CHIC1: variants seen among roughly 807,000 people sequenced by gnomAD.
CHIC1 encodes the protein cysteine rich hydrophobic domain 1.
Under a neutral mutation model 18.5 loss-of-function variants are expected in CHIC1, and 7 were observed. That is an observed-to-expected ratio of 0.38 (90% CI 0.22 to 0.71). The LOEUF is 0.71. Among genes scored for constraint, CHIC1 ranks in the 30% least tolerant of loss-of-function variants. The pLI is 0.49. For missense variants in CHIC1, 159 were observed against 176.9 expected (o/e 0.90, Z 0.57); for synonymous variants, 77 against 73.5 (o/e 1.05, Z -0.25).
chrX:73,672,230 C>T (rs1388163951), intron 3 of CHIC1, among the ~76,000 whole-genome samples: 1 of 111,778 alleles, frequency 8.9e-6, no homozygotes, highest in African/African-American at 3.3e-5. Context: ...TATAAACATA[C>T]GTGTGCATGT....
intron 2 of CHIC1, chrX:73,578,691 T>G (rs928453686): frequency 3.6e-5 from 4 of 110,038 alleles, no homozygotes; most frequent in African/African-American, 1.3e-4. Flanking sequence ...AATAAATGTA[T>G]TTTTACATAA....
rs184497127 is a variant in CHIC1, at chrX:73,580,561, C to T, written c.351+3100C>T. On this transcript the variant is annotated intron_variant, in intron 2 of 5. Coordinates refer to ENST00000373502, the MANE Select transcript of CHIC1 (RefSeq NM_001039840.4). ...TGAGATAATTTTTCTCCGACAGGCA[C>T]TTTCATTTGTTTAGGTTCCTTTGCA... 3.2e-3 allele frequency among the ~76,000 whole-genome samples: 358 copies of T among 110,813 alleles called. 2 individuals are homozygous for T. Among genetic ancestry groups the T allele is most frequent in the African/African-American group, 0.011 (335 of 30,678 alleles).
intron 3 of CHIC1, among the ~76,000 whole-genome samples, chrX:73,596,550 A>G (rs1186524704): frequency 2.7e-5 from 3 of 111,866 alleles, no homozygotes; most frequent in Admixed American, 9.6e-5. Flanking sequence ...ATAGAACTCA[A>G]AAAGAGCCCA....
At chrX:73,659,909 G>A (rs1474353836) in intron 3 of CHIC1, among the ~76,000 whole-genome samples, 1 of 111,597 alleles carries the variant, frequency 9.0e-6, no homozygotes, top group Non-Finnish European at 1.9e-5. Context: ...AGGGGAGCAG[G>A]ACGTGGCTAC....
At chrX:73,622,681 T>C (rs1023816480) in intron 3 of CHIC1, among the ~76,000 whole-genome samples, 1 of 112,082 alleles carries the variant, frequency 8.9e-6, no homozygotes, top group Non-Finnish European at 1.9e-5. Context: ...TGTGTTTCTG[T>C]CTCCTCCAGT....
intron 3 of CHIC1, among the ~76,000 whole-genome samples, chrX:73,648,673 G>T (rs941335076): frequency 1.8e-5 from 2 of 111,240 alleles, no homozygotes; most frequent in East Asian, 2.8e-4. Context: ...AGAGAAAAAA[G>T]AATGAAAAGG....
chrX:73,680,566 A>G (rs974809937), intron 5 of CHIC1, among the ~76,000 whole-genome samples: 1 of 111,590 alleles, frequency 9.0e-6, no homozygotes, highest in Admixed American at 9.5e-5. Flanking sequence ...AAATATATAA[A>G]TCTAATATAA....
At chrX:73,644,221 T>C (rs999100944) in intron 3 of CHIC1, among the ~76,000 whole-genome samples, 2 of 112,019 alleles carry the variant, frequency 1.8e-5, no homozygotes, top group Admixed American at 1.9e-4. Flanking sequence ...CTGCAAATGC[T>C]GCTGCCTGAT....
At chrX:73,643,721 A>G (rs977357548) in intron 3 of CHIC1, among the ~76,000 whole-genome samples, 8 of 110,565 alleles carry the variant, frequency 7.2e-5, no homozygotes, top group African/African-American at 2.6e-4. Context: ...AGCTCCATCA[A>G]CTCCTTTAAG....
intron 3 of CHIC1, among the ~76,000 whole-genome samples, chrX:73,614,182 T>A (rs181785556): frequency 5.4e-4 from 60 of 111,984 alleles, no homozygotes; most frequent in African/African-American, 1.9e-3. Flanking sequence ...TTCAGCAGTT[T>A]GAATATATCA....
chrX:73,603,563 A>G (rs1308031292), intron 3 of CHIC1, among the ~76,000 whole-genome samples: 1 of 108,636 alleles, frequency 9.2e-6, no homozygotes, highest in African/African-American at 3.6e-5. Flanking sequence ...GAGAGAGGGC[A>G]TCCTTGTCTT....
At chrX:73,657,816 T>G (rs1276963143) in intron 3 of CHIC1, among the ~76,000 whole-genome samples, 1 of 111,819 alleles carries the variant, frequency 8.9e-6, no homozygotes, top group South Asian at 3.7e-4. Context: ...ATTGAGAGCT[T>G]TTAACATGAA....
chrX:73,684,109 A>G lies in CHIC1; in HGVS notation c.*3104A>G. 1 of 111,831 alleles carries G rather than the reference A, an allele frequency of 8.9e-6. No homozygotes were observed. Among genetic ancestry groups the G allele is most frequent in the African/African-American group, 3.2e-5 (1 of 30,891 alleles). The allele number at this position is 111,831 out of a possible 1,213,427, so 9.2% of individuals were successfully genotyped here. ...ATACTTTACTAGTGTATTATCTTTTATTTATTATGTAAAGCTTCTTTCCTT... is the reference window on the plus strand; with the variant it reads ...ATACTTTACTAGTGTATTATCTTTTGTTTATTATGTAAAGCTTCTTTCCTT... On this transcript the variant is annotated 3_prime_UTR_variant, in exon 6 of 6. Transcript: ENST00000373502.
chrX:73,564,458 T>A (rs2057434854), intron 1 of CHIC1, among the ~76,000 whole-genome samples: 1 of 111,504 alleles, frequency 9.0e-6, no homozygotes, highest in African/African-American at 3.3e-5. Context: ...TGAGGAAAAA[T>A]TGAATATTTC....
chrX:73,579,281 T>C (rs1322658777), intron 2 of CHIC1, among the ~76,000 whole-genome samples: 4 of 110,160 alleles, frequency 3.6e-5, no homozygotes, highest in East Asian at 2.9e-4. Flanking sequence ...ATAGAGATGA[T>C]GCTGATAGTT....
intron 3 of CHIC1, among the ~76,000 whole-genome samples, chrX:73,615,571 CAT>C (rs1204029674): frequency 1.8e-5 from 2 of 111,481 alleles, no homozygotes; most frequent in Admixed American, 1.9e-4. Context: ...TAGGCCTGAC[CAT>C]AGCCTCCTAG....
At chrX:73,583,402 T>G (rs756342233) in intron 2 of CHIC1, among the ~76,000 whole-genome samples, 2 of 111,273 alleles carry the variant, frequency 1.8e-5, no homozygotes, top group Non-Finnish European at 3.8e-5. Context: ...TTATTTGGAA[T>G]AGTAGTAGTA....
intron 3 of CHIC1, among the ~76,000 whole-genome samples, chrX:73,588,287 C>T: frequency 9.0e-6 from 1 of 110,847 alleles, no homozygotes; most frequent in Non-Finnish European, 1.9e-5. Context: ...CCCTCCAATC[C>T]TCCCAGCCCT....
intron 3 of CHIC1, among the ~76,000 whole-genome samples, chrX:73,679,018 G>C (rs2058085034): frequency 8.9e-6 from 1 of 111,989 alleles, no homozygotes; most frequent in East Asian, 2.8e-4. Flanking sequence ...TTAGTATATA[G>C]TTTAGGTTTT....
Sources: allele counts gnomAD v4.1 joint callset (sites outside exome capture counted in the v4.1 genomes callset), GRCh38; gene constraint gnomAD v4.1.1; transcripts MANE v1.5; gene names NCBI Gene and HGNC (gene_info 2026-07-23, HGNC 2026-07-21).